The following MSI2 variants were observed in gnomAD, a reference collection of about 807,000 sequenced individuals.
MSI2 encodes musashi RNA binding protein 2, also known as RNA-binding protein Musashi homolog 2.
MSI2 carries 17 observed loss-of-function variants against 45.6 expected under a neutral mutation model. That is an observed-to-expected ratio of 0.37 (90% CI 0.26 to 0.56). MSI2 has a LOEUF of 0.56. Among genes scored for constraint, MSI2 ranks in the 20% least tolerant of loss-of-function variants. MSI2 has a pLI of 0.77. For synonymous variants in MSI2, 156 were observed against 158.2 expected (o/e 0.99, Z 0.11); for missense variants, 293 against 444.2 (o/e 0.66, Z 3.06).
At chr17:57,634,188 G>A (rs1194720069) in intron 10 of MSI2, among the ~76,000 whole-genome samples, 1 of 152,232 alleles carries the variant, frequency 6.6e-6, no homozygotes, top group Non-Finnish European at 1.5e-5. Context: ...GCTCTGGCCA[G>A]GCGTAGTGGC....
chr17:57,519,893 T>C (rs576036542), intron 6 of MSI2, among the ~76,000 whole-genome samples: 148 of 152,208 alleles, frequency 9.7e-4, no homozygotes, highest in Middle Eastern at 6.8e-3. Context: ...TCCTCACCTG[T>C]AAAATGGGTG....
Position 57,633,154 on chromosome 17 carries a change from G to A in MSI2, c.727+5851G>A, listed in dbSNP as rs981211737. On this transcript the variant is annotated intron_variant, in intron 10 of 13. Transcript: ENST00000284073. ...TATTTTTTTTCCCCTGTAAGCAACC[G>A]AGGTAGAAAAATAAATTGTTTACCA... 7.7e-5 allele frequency: 79 copies of A among 1,019,728 alleles called. No individual in the cohort carries two copies. The African/African-American group carries it at 9.9e-4, about 13-fold the overall frequency. 63.2% of individuals were successfully genotyped at this position (1,019,728 alleles called of 1,614,324 possible). A position where few individuals can be genotyped will look rare whatever the true frequency, so the allele number is the denominator to read the frequency against.
intron 5 of MSI2, among the ~76,000 whole-genome samples, chr17:57,325,235 T>G (rs1319383600): frequency 6.6e-6 from 1 of 152,178 alleles, no homozygotes; most frequent in East Asian, 1.9e-4. Context: ...GAAAACCAAT[T>G]ATCACATGTT....
intron 7 of MSI2, among the ~76,000 whole-genome samples, chr17:57,531,260 A>G (rs1206378603): frequency 1.3e-5 from 2 of 152,210 alleles, no homozygotes; most frequent in African/African-American, 4.8e-5. Context: ...TAACTTCTTT[A>G]TGCCTCAGTT....
intron 6 of MSI2, among the ~76,000 whole-genome samples, chr17:57,473,346 G>A (rs1175303215): frequency 1.3e-5 from 2 of 152,138 alleles, no homozygotes; most frequent in Non-Finnish European, 2.9e-5. Flanking sequence ...CCCCCCACAC[G>A]GATGTATATA....
At chr17:57,426,019 A>G (rs893168832) in intron 6 of MSI2, among the ~76,000 whole-genome samples, 1 of 152,154 alleles carries the variant, frequency 6.6e-6, no homozygotes, top group African/African-American at 2.4e-5. Context: ...TGACTTTTAA[A>G]TACTTGTTAC....
At chr17:57,281,166 A>G (rs1161105043) in intron 5 of MSI2, among the ~76,000 whole-genome samples, 1 of 151,272 alleles carries the variant, frequency 6.6e-6, no homozygotes, top group East Asian at 1.9e-4. Context: ...TGTGTGCTCA[A>G]CCTATGGGAA....
At chr17:57,669,647 T>C (rs1191083517) in intron 11 of MSI2, among the ~76,000 whole-genome samples, 1 of 152,342 alleles carries the variant, frequency 6.6e-6, no homozygotes, top group East Asian at 1.9e-4. Flanking sequence ...TAAAATTCAG[T>C]GTGATGGATT....
intron 7 of MSI2, among the ~76,000 whole-genome samples, chr17:57,548,898 T>TCCCCCCCCCC (rs758120237): frequency 4.5e-4 from 55 of 121,272 alleles, no homozygotes; most frequent in Non-Finnish European, 6.8e-4. Context: ...TGTTTACCCT[T>TCCCCCCCCCC]CCCCCCCCCA....
chr17:57,321,965 T>C (rs1489731182), intron 5 of MSI2, among the ~76,000 whole-genome samples: 1 of 151,970 alleles, frequency 6.6e-6, no homozygotes, highest in Non-Finnish European at 1.5e-5. Context: ...CCCGGCTAGT[T>C]TTTGTATTTT....
chr17:57,651,069 T>C (rs1911105763), intron 10 of MSI2, among the ~76,000 whole-genome samples: 1 of 152,096 alleles, frequency 6.6e-6, no homozygotes, highest in Non-Finnish European at 1.5e-5. Flanking sequence ...TGTTTGTCTT[T>C]ATATGTATGG....
At chr17:57,523,395 G>C (rs1055353930) in intron 6 of MSI2, among the ~76,000 whole-genome samples, 1 of 152,164 alleles carries the variant, frequency 6.6e-6, no homozygotes, top group African/African-American at 2.4e-5. Context: ...CGTGAGCTGG[G>C]CTGTCTCAAG....
chr17:57,359,898 C>T (rs1460876208), intron 5 of MSI2, among the ~76,000 whole-genome samples: 1 of 152,242 alleles, frequency 6.6e-6, no homozygotes, highest in Non-Finnish European at 1.5e-5. Context: ...TGATGCCACT[C>T]AGCACCTTTA....
intron 5 of MSI2, among the ~76,000 whole-genome samples, chr17:57,348,597 C>T (rs941574356): frequency 1.4e-4 from 21 of 152,102 alleles, no homozygotes; most frequent in Admixed American, 1.2e-3. Flanking sequence ...CCTTTCTTGC[C>T]ATGTGATACA....
chr17:57,274,819 A>G (rs1908703914), intron 5 of MSI2, among the ~76,000 whole-genome samples: 2 of 152,180 alleles, frequency 1.3e-5, no homozygotes, highest in African/African-American at 2.4e-5. Flanking sequence ...TTGAAACTTG[A>G]TAACTGCCAC....
rs542376681 is a variant in MSI2, at chr17:57,292,771, C to T, written c.312+30579C>T. ...GAAAGGAGCCTTTCTGGGGCCAGCA[C>T]GGTTGGAAGAGTTCACAGCCTTTCT... On this transcript the variant is annotated intron_variant, in intron 5 of 13. Coordinates refer to ENST00000284073, the MANE Select transcript of MSI2 (RefSeq NM_138962.4). Among the ~76,000 whole-genome samples, 12 of 152,262 alleles carry T rather than the reference C, an allele frequency of 7.9e-5. No individual in the cohort carries two copies. The East Asian group carries it at 1.2e-3, about 15-fold the overall frequency.
At chr17:57,290,182 A>G (rs181812604) in intron 5 of MSI2, among the ~76,000 whole-genome samples, 80 of 152,330 alleles carry the variant, frequency 5.3e-4, no homozygotes, top group African/African-American at 1.9e-3. Context: ...GGATGAGAGT[A>G]ATAGTACCTA....
intron 5 of MSI2, among the ~76,000 whole-genome samples, chr17:57,352,061 C>G (rs762459028): frequency 6.6e-6 from 1 of 152,182 alleles, no homozygotes; most frequent in Non-Finnish European, 1.5e-5. Flanking sequence ...TCATAAGGTA[C>G]TGGAGGTACT....
intron 6 of MSI2, among the ~76,000 whole-genome samples, chr17:57,499,049 T>A (rs2143852751): frequency 6.6e-6 from 1 of 151,600 alleles, no homozygotes; most frequent in Admixed American, 6.6e-5. Context: ...ATTAACACCA[T>A]CCATTTGGTG....
Sources: gnomAD v4.1 joint callset for allele counts (sites outside exome capture counted in the v4.1 genomes callset) on GRCh38, gnomAD v4.1.1 for gene constraint, MANE v1.5 for transcripts, NCBI Gene and HGNC (gene_info 2026-07-23, HGNC 2026-07-21) for gene names.